CHD7: variants seen among roughly 807,000 people sequenced by gnomAD.
CHD7 encodes chromodomain helicase DNA binding protein 7, also known as ATP-dependent chromatin remodeler CHD7.
In CHD7, 24 loss-of-function variants were observed where a neutral mutation model predicts 307.3. The observed-to-expected ratio is 0.08, with a 90% CI of 0.06 to 0.11. The LOEUF (loss-of-function observed/expected upper bound fraction) is 0.11. CHD7 is among the 10% of genes least tolerant of loss of function. The pLI, the probability that CHD7 is intolerant of heterozygous loss-of-function variation, is 1.00. For synonymous variants in CHD7, 1,363 were observed against 1,349.9 expected, an observed-to-expected ratio of 1.01 and a Z score of -0.21; for missense variants, 3,106 against 3,727.1, an observed-to-expected ratio of 0.83 and a Z score of 4.34.
chr8:60,803,451 G>A (rs1371664219), intron 6 of CHD7, among the ~76,000 whole-genome samples: 1 of 152,078 alleles, frequency 6.6e-6, no homozygotes, highest in Non-Finnish European at 1.5e-5. Context: ...AGGTACCCAT[G>A]GTTTAGGAAT....
At chr8:60,830,996 A>C (rs1804489701) in intron 15 of CHD7, among the ~76,000 whole-genome samples, 1 of 152,118 alleles carries the variant, frequency 6.6e-6, no homozygotes, top group Non-Finnish European at 1.5e-5. Context: ...TTTGATAGCA[A>C]ATGTCCTCAT....
intron 2 of CHD7, among the ~76,000 whole-genome samples, chr8:60,777,923 T>C (rs566969971): frequency 6.6e-6 from 1 of 152,220 alleles, no homozygotes; most frequent in African/African-American, 2.4e-5. Context: ...ACCTTTGGTA[T>C]CTAACATTCT....
At chr8:60,738,848 T>C (rs1808839921) in intron 1 of CHD7, among the ~76,000 whole-genome samples, 1 of 152,178 alleles carries the variant, frequency 6.6e-6, no homozygotes, top group Non-Finnish European at 1.5e-5. Context: ...CATATAATGC[T>C]GGCGTTTTTC....
At chr8:60,733,560 A>T (rs1315240846) in intron 1 of CHD7, among the ~76,000 whole-genome samples, 1 of 152,140 alleles carries the variant, frequency 6.6e-6, no homozygotes, top group Non-Finnish European at 1.5e-5. Flanking sequence ...GAGGTATTTG[A>T]ATTTTGAATT....
rs775132352 is a variant in CHD7 at position 60,865,278 on chromosome 8, C to A, written c.8339C>A (p.Ala2780Glu). 6.2e-7 allele frequency: 1 copy of A among 1,608,058 alleles called. No homozygotes were observed. ...CTCATGGGCTTCCCTCCAGGACTGGCAACAGCTGCCACCGCCGGAGGCGAT... is the reference window on the plus strand; with the variant it reads ...CTCATGGGCTTCCCTCCAGGACTGGAAACAGCTGCCACCGCCGGAGGCGAT... ...AGLMGFPPGL[A>E]TAATAGGDAK... The change falls in exon 38 of 38, where the codon GCA becomes GAA. Residue 2780 changes from alanine (A) to glutamate (E), a missense_variant. Around this residue, in one of 10 missense-constraint regions of CHD7, gnomAD observed 351 missense variants for 366.2 expected, o/e 0.96. Coordinates refer to ENST00000423902, the MANE Select transcript of CHD7 (RefSeq NM_017780.4). This position sits in a 1 kb window ranked among gnomAD's most constrained non-coding sequence, Gnocchi z 4.3.
intron 1 of CHD7, among the ~76,000 whole-genome samples, chr8:60,680,017 A>T (rs928176577): frequency 6.7e-6 from 1 of 150,190 alleles, no homozygotes; most frequent in Admixed American, 6.6e-5. Context: ...CGAGGAGGGG[A>T]CCCCACCTTG....
chr8:60,727,170 A>T (rs1352805668), intron 1 of CHD7, among the ~76,000 whole-genome samples: 2 of 152,118 alleles, frequency 1.3e-5, no homozygotes, highest in Non-Finnish European at 2.9e-5. Flanking sequence ...TCTGTTGCCC[A>T]GGCTGTGGTG....
At chr8:60,715,786 C>T (rs924893680) in intron 1 of CHD7, among the ~76,000 whole-genome samples, 33 of 152,120 alleles carry the variant, frequency 2.2e-4, no homozygotes, top group African/African-American at 7.7e-4. Context: ...CAAAACAAAA[C>T]GTCAAGTTAC....
chr8:60,803,969 C>G (rs1040461530), intron 6 of CHD7, among the ~76,000 whole-genome samples: 1 of 152,152 alleles, frequency 6.6e-6, no homozygotes, highest in Non-Finnish European at 1.5e-5. Context: ...CAGAGCCTGT[C>G]CCTGCATGGT....
intron 26 of CHD7, 37 bp from the exon 27 acceptor site, chr8:60,850,989 TTATCAG>T (rs1468952423): frequency 7.2e-7 from 1 of 1,379,324 alleles, no homozygotes. Flanking sequence ...CTTCTTTTGC[TTATCAG>T]TATGATTCAA....
chr8:60,716,508 G>T (rs140821813), intron 1 of CHD7, among the ~76,000 whole-genome samples: 231 of 152,256 alleles, frequency 1.5e-3, no homozygotes, highest in African/African-American at 5.3e-3. Flanking sequence ...TCAGGGCCTC[G>T]TAGGGCCTGC....
intron 1 of CHD7, among the ~76,000 whole-genome samples, chr8:60,701,163 G>A (rs1279161695): frequency 1.3e-5 from 2 of 152,298 alleles, no homozygotes; most frequent in South Asian, 2.1e-4. Context: ...ATACATCTTC[G>A]TGAGCAGCAG....
chr8:60,849,268 C>T, intron 25 of CHD7, 114 bp downstream of exon 25: 1 of 582,692 alleles, frequency 1.7e-6, no homozygotes, highest in Non-Finnish European at 3.0e-6. Flanking sequence ...TTCCAAAGGA[C>T]TCTTGGCGTC....
In CHD7 at chr8:60,679,024, C is replaced by G. The variant is rs1053438734; in HGVS notation, c.-233C>G. 1.3e-5 allele frequency: 2 copies of G among 151,032 alleles called. No homozygotes were observed. The allele number at this position is 151,032 out of a possible 1,614,324, so 9.4% of individuals were successfully genotyped here. ...CGCAGCTGCCGAGCCAACTCCGGAGCCCGCTCTGCGTTTTGTTTTCCCCTC... is the reference window on the plus strand; with the variant it reads ...CGCAGCTGCCGAGCCAACTCCGGAGGCCGCTCTGCGTTTTGTTTTCCCCTC... On this transcript the variant is annotated 5_prime_UTR_variant, in exon 1 of 38. Coordinates refer to ENST00000423902, the MANE Select transcript of CHD7 (RefSeq NM_017780.4).
chr8:60,865,008 T>C lies in CHD7; in HGVS notation c.8077-8T>C. 1 of 1,582,518 alleles carries C rather than the reference T, an allele frequency of 6.3e-7. No individual in the cohort carries two copies. The stretch of plus-strand genomic sequence containing the variant: ...TTATAGCCACTGTTTGCCTCCCCTG[T>C]ACTCCAGGGTTTTGTTCCTGAGTCG... On this transcript the variant is annotated splice_polypyrimidine_tract_variant and splice_region_variant and intron_variant, in intron 37 of 37. Transcript: ENST00000423902. The surrounding 1 kb of genome is among the most constrained non-coding windows in gnomAD (Gnocchi z 4.3).
intron 1 of CHD7, among the ~76,000 whole-genome samples, chr8:60,735,708 G>A (rs2150568838): frequency 6.6e-6 from 1 of 152,266 alleles, no homozygotes; most frequent in Admixed American, 6.5e-5. Context: ...ATCTCTGAAA[G>A]AGGAGAAAAT....
chr8:60,761,907 A>C (rs1810226719), intron 2 of CHD7, among the ~76,000 whole-genome samples: 2 of 152,174 alleles, frequency 1.3e-5, no homozygotes, highest in African/African-American at 4.8e-5. Context: ...TCTACCTGAT[A>C]ATTTCTTCTA....
intron 37 of CHD7, 126 bp downstream of exon 37, chr8:60,862,778 C>T: frequency 1.6e-6 from 1 of 610,764 alleles, no homozygotes; most frequent in Non-Finnish European, 2.8e-6. Context: ...TGACATAATA[C>T]ATCATTTTCA....
chr8:60,781,560 C>T, intron 3 of CHD7, 130 bp downstream of exon 3: 1 of 1,286,192 alleles, frequency 7.8e-7, no homozygotes, highest in African/African-American at 1.5e-5. Flanking sequence ...GTTTCTTTCC[C>T]TAATATCCAA....
Sources: allele counts gnomAD v4.1 joint callset (sites outside exome capture counted in the v4.1 genomes callset), GRCh38; gene constraint gnomAD v4.1.1; regional missense constraint gnomAD v4.1.1; non-coding constraint Gnocchi (gnomAD v3.1); transcripts MANE v1.5; gene names NCBI Gene and HGNC (gene_info 2026-07-23, HGNC 2026-07-21).